DNAH2: variants seen among roughly 807,000 people sequenced by gnomAD.
DNAH2 encodes axonemal beta dynein heavy chain 2.
In DNAH2, 323 loss-of-function variants were observed where a neutral mutation model predicts 523.5. The observed-to-expected ratio is 0.62, with a 90% CI of 0.56 to 0.68. DNAH2 has a LOEUF of 0.68. DNAH2 is among the 30% of genes least tolerant of loss of function. The probability of loss-of-function intolerance (pLI) is 0.00; values close to 1 mark genes in which losing one functional copy is unlikely to be tolerated. For synonymous variants in DNAH2, 2,093 were observed against 2,177.4 expected, an observed-to-expected ratio of 0.96 and a Z score of 1.08; for missense variants, 4,907 against 5,701.5, an observed-to-expected ratio of 0.86 and a Z score of 4.49.
At chr17:7,785,457 CACTA>C (rs1318036609) in intron 39 of DNAH2, among the ~76,000 whole-genome samples, 2 of 152,124 alleles carry the variant, frequency 1.3e-5, no homozygotes, top group African/African-American at 2.4e-5. Context: ...TTGTTTAGGA[CACTA>C]AACACATGTG....
chr17:7,805,218 T>C (rs1446955866), intron 60 of DNAH2, 34 bp from the exon 61 acceptor site: 1 of 1,611,100 alleles, frequency 6.2e-7, no homozygotes, highest in Non-Finnish European at 8.5e-7. Flanking sequence ...CAGAAGGTCC[T>C]GTCTTACCCT....
At position 7,758,923 on chromosome 17, in the gene DNAH2, G is replaced by T; in HGVS notation, c.2247G>T (p.Leu749=). ...TGAATGAGTTCAAGGCATCCACTCT[G>T]ACCATTGGCTGGCGAGCCCAAGAGA... is the stretch of plus-strand genomic sequence containing the variant. ...MIVNEFKAST[L]TIGWRAQEMS... The change falls in exon 15 of 86, where the codon CTG becomes CTT. Residue 749 remains leucine (L), a synonymous_variant. Transcript: ENST00000572933. The T allele has an allele frequency of 6.2e-7, 1 of 1,614,166 alleles. No homozygotes were observed. The highest frequency in any genetic ancestry group is 1.1e-5 in the South Asian group (1 of 91,074).
At chr17:7,732,676 A>C (rs113240939) in intron 4 of DNAH2, among the ~76,000 whole-genome samples, 15 of 152,324 alleles carry the variant, frequency 9.8e-5, no homozygotes, top group African/African-American at 3.6e-4. Flanking sequence ...TATGCAACCA[A>C]AATGGAAAAC....
At chr17:7,783,879 G>A (rs2076668407) in intron 39 of DNAH2, among the ~76,000 whole-genome samples, 1 of 150,968 alleles carries the variant, frequency 6.6e-6, no homozygotes, top group African/African-American at 2.4e-5. Context: ...AACAAAAAAA[G>A]TTGCCCAAGA....
chr17:7,800,731 G>A (rs1251031802), intron 56 of DNAH2, among the ~76,000 whole-genome samples: 1 of 150,700 alleles, frequency 6.6e-6, no homozygotes. Flanking sequence ...GATGGGCATG[G>A]TGGCGGGCAC....
intron 11 of DNAH2, among the ~76,000 whole-genome samples, chr17:7,742,071 C>T (rs1020439234): frequency 2.0e-5 from 3 of 152,158 alleles, no homozygotes; most frequent in Non-Finnish European, 4.4e-5. Flanking sequence ...GGACAGGTGA[C>T]ACCCTTACAG....
intron 34 of DNAH2, 23 bp from the exon 35 acceptor site, chr17:7,778,257 C>T (rs765265444): frequency 6.2e-7 from 1 of 1,614,056 alleles, no homozygotes; most frequent in East Asian, 2.2e-5. Context: ...GAGTCTGACT[C>T]TAGTTCTGTC....
chr17:7,812,862 G>A (rs980316484), intron 63 of DNAH2, among the ~76,000 whole-genome samples: 2 of 143,874 alleles, frequency 1.4e-5, no homozygotes, highest in African/African-American at 2.5e-5. Flanking sequence ...AGAATCACTT[G>A]AACCCGGGAG....
Position 7,777,532 on chromosome 17 carries a change from A to T in DNAH2, c.5145A>T (p.Ile1715=). Residue 1715 remains isoleucine, a synonymous_variant, in exon 33 of 86, where the codon ATA becomes ATT. Transcript: ENST00000572933. ...TTAAAATTGTGGCTCTGGTGACGAT[A>T]GAAATTCATGCCCGGGATGTGTTGG... ...MRLKIVALVT[I]EIHARDVLEK... The T allele has an allele frequency of 6.2e-7, 1 of 1,614,188 alleles. No homozygotes were observed. The highest frequency in any genetic ancestry group is 8.5e-7 in the Non-Finnish European group (1 of 1,180,026).
At chr17:7,825,095 A>C (rs2077982582) in intron 77 of DNAH2, among the ~76,000 whole-genome samples, 2 of 152,122 alleles carry the variant, frequency 1.3e-5, no homozygotes, top group Non-Finnish European at 2.9e-5. Flanking sequence ...GGGTCCCCAA[A>C]TTCATTCTTT....
At chr17:7,733,694 G>A (rs557606395) in intron 5 of DNAH2, among the ~76,000 whole-genome samples, 6 of 151,948 alleles carry the variant, frequency 3.9e-5, no homozygotes, top group South Asian at 2.1e-4. Flanking sequence ...GGCCAGGCTG[G>A]TCTCGAACTC....
chr17:7,787,869 C>T lies in DNAH2; in HGVS notation c.6613C>T (p.Leu2205=). 3 of 1,613,602 alleles carry T rather than the reference C, an allele frequency of 1.9e-6. No individual in the cohort carries two copies. Among genetic ancestry groups the T allele is most frequent in the Non-Finnish European group, 2.5e-6 (3 of 1,179,720 alleles). Residue 2205 remains leucine (L), a synonymous_variant, in exon 43 of 86, where the codon CTG becomes TTG. Transcript: ENST00000572933. ...RIAMPEQVSL[L]FEVEDLAMAS... ...AAACGTATATCCTTAGGTGTCTCTCCTGTTTGAAGTGGAGGACCTGGCAAT... is the reference window on the plus strand; with the variant it reads ...AAACGTATATCCTTAGGTGTCTCTCTTGTTTGAAGTGGAGGACCTGGCAAT...
intron 56 of DNAH2, among the ~76,000 whole-genome samples, chr17:7,799,862 G>A (rs1286323396): frequency 2.0e-5 from 3 of 152,070 alleles, no homozygotes; most frequent in Non-Finnish European, 2.9e-5. Context: ...CATCTTAATC[G>A]TTTCTGAGTG....
chr17:7,817,097 A>C (rs1476869199), intron 64 of DNAH2, among the ~76,000 whole-genome samples, 193 bp from the exon 65 acceptor site: 2 of 152,184 alleles, frequency 1.3e-5, no homozygotes, highest in African/African-American at 4.8e-5. Flanking sequence ...CAGAATGTAA[A>C]CATTGCCATT....
intron 2 of DNAH2, 116 bp downstream of exon 2, chr17:7,720,016 G>T: frequency 7.9e-7 from 1 of 1,261,884 alleles, no homozygotes; most frequent in South Asian, 1.7e-5. Flanking sequence ...CAGGAAACGG[G>T]CTAAGTGACG....
chr17:7,814,558 T>TA (rs1005796828), intron 63 of DNAH2, among the ~76,000 whole-genome samples: 3 of 152,124 alleles, frequency 2.0e-5, no homozygotes, highest in African/African-American at 7.2e-5. Context: ...CCAGCATAAA[T>TA]AAAAAGAAAA....
rs113208475 is a variant in DNAH2, at chr17:7,723,094, A to G, written c.167-534A>G. ...ACGCCATTCTCCTGCCTCAGCCTCC[A>G]GAGTAGCTGGGACTACAGGCTCCCA... On this transcript the variant is annotated intron_variant, in intron 2 of 85. Coordinates refer to ENST00000572933, the MANE Select transcript of DNAH2 (RefSeq NM_020877.5). Among the ~76,000 whole-genome samples, 4 of 143,712 alleles carry G rather than the reference A, an allele frequency of 2.8e-5. 1 individual carries two copies. The highest frequency in any genetic ancestry group is 7.8e-5 in the African/African-American group (3 of 38,508). The allele number at this position is 143,712 out of a possible 152,430, so 94.3% of individuals were successfully genotyped here.
At position 7,830,968 on chromosome 17, in the gene DNAH2, G is replaced by C. The variant is rs1186884939; in HGVS notation, c.12231-118G>C. The C allele has an allele frequency of 3.3e-6, 5 of 1,511,236 alleles. No individual in the cohort carries two copies. The South Asian group carries it at 5.9e-5, about 18-fold the overall frequency. 93.6% of individuals were successfully genotyped at this position (1,511,236 alleles called of 1,614,324 possible). The stretch of plus-strand genomic sequence containing the variant: ...GGAAGAAGACAGAGTTTGTGGGATT[G>C]AGATGGGGAGCAGGGCAGGGAGCTG... On this transcript the variant is annotated intron_variant, in intron 79 of 85. Transcript: ENST00000572933.
At chr17:7,804,519 T>G in intron 59 of DNAH2, 53 bp downstream of exon 59, 2 of 1,588,102 alleles carry the variant, frequency 1.3e-6, no homozygotes, top group Admixed American at 3.5e-5. Flanking sequence ...TGCCGGCTAC[T>G]GCGTCAGGGA....
Sources: gnomAD v4.1 joint callset for allele counts (sites outside exome capture counted in the v4.1 genomes callset) on GRCh38, gnomAD v4.1.1 for gene constraint, MANE v1.5 for transcripts, NCBI Gene and HGNC (gene_info 2026-07-23, HGNC 2026-07-21) for gene names.